The following OR3A2 variants were observed in gnomAD, a reference collection of about 807,000 sequenced individuals.
OR3A2 encodes the protein olfactory receptor family 3 subfamily A member 2.
For synonymous variants in OR3A2, 126 were observed against 159.3 expected (o/e 0.79, Z 1.57); for missense variants, 318 against 392.8 (o/e 0.81, Z 1.61).
At chr17:3,371,852 C>G (rs367791869) in intron 2 of OR3A2, among the ~76,000 whole-genome samples, 2 of 128,588 alleles carry the variant, frequency 1.6e-5, no homozygotes, top group East Asian at 3.1e-4. Flanking sequence ...CCCGCCCGGA[C>G]GGGGCGGCTG....
chr17:3,348,848 C>T (rs888344685), intron 2 of OR3A2, among the ~76,000 whole-genome samples: 20 of 152,142 alleles, frequency 1.3e-4, no homozygotes, highest in Non-Finnish European at 2.9e-4. Flanking sequence ...AGAAACTCTA[C>T]CAGCCAGAAG....
chr17:3,338,440 AT>A (rs1212958970), intron 2 of OR3A2, among the ~76,000 whole-genome samples: 2 of 152,136 alleles, frequency 1.3e-5, no homozygotes, highest in Non-Finnish European at 2.9e-5. Context: ...TCTTGAATTA[AT>A]TTTTGTATAA....
chr17:3,336,535 T>C (rs1158955021), intron 2 of OR3A2, among the ~76,000 whole-genome samples: 1 of 152,242 alleles, frequency 6.6e-6, no homozygotes, highest in Non-Finnish European at 1.5e-5. Flanking sequence ...TTAGATGTTA[T>C]GTTCAGTGTA....
At chr17:3,349,598 C>A (rs2049401586) in intron 2 of OR3A2, among the ~76,000 whole-genome samples, 1 of 151,990 alleles carries the variant, frequency 6.6e-6, no homozygotes, top group Non-Finnish European at 1.5e-5. Context: ...CTTTAACACC[C>A]CACTGTCAAC....
At chr17:3,382,392 C>G (rs1483883218) in intron 2 of OR3A2, among the ~76,000 whole-genome samples, 1 of 152,196 alleles carries the variant, frequency 6.6e-6, no homozygotes, top group Non-Finnish European at 1.5e-5. Flanking sequence ...CAGCTTCTGT[C>G]TCAGCCCACA....
rs776053776 is a variant in OR3A2, at chr17:3,292,232, C to A, written c.-84-13079G>T. 1.9e-6 allele frequency: 3 copies of A among 1,614,112 alleles called. No individual in the cohort carries two copies. In the Admixed American group the frequency reaches 5.0e-5, roughly 27 times the overall value. Reference sequence around the variant, plus strand: ...ATCGGTCATAGGCCATGGCGGTCAGCAGGAAGCAGTCCACTCCAACGAACA... The same window carrying A: ...ATCGGTCATAGGCCATGGCGGTCAGAAGGAAGCAGTCCACTCCAACGAACA... On this transcript the variant is annotated intron_variant, in intron 3 of 4. Coordinates refer to the OR3A2 transcript ENST00000573491.
At chr17:3,372,072 C>T (rs1304001326) in intron 2 of OR3A2, among the ~76,000 whole-genome samples, 5 of 137,286 alleles carry the variant, frequency 3.6e-5, no homozygotes, top group Non-Finnish European at 7.7e-5. Context: ...TCAGACGGGG[C>T]AGTTGCCAGG....
At chr17:3,382,231 T>TAA (rs1467328067) in intron 2 of OR3A2, among the ~76,000 whole-genome samples, 2 of 152,180 alleles carry the variant, frequency 1.3e-5, no homozygotes, top group Admixed American at 1.3e-4. Flanking sequence ...GCACTCTATC[T>TAA]AACAGGCAAC....
chr17:3,319,642 T>C (rs1446535516), intron 3 of OR3A2, among the ~76,000 whole-genome samples: 5 of 152,152 alleles, frequency 3.3e-5, no homozygotes, highest in Non-Finnish European at 7.3e-5. Context: ...TTTCTGTTCA[T>C]GTGTTAGTTT....
At chr17:3,306,453 T>A (rs1437595728) in intron 3 of OR3A2, among the ~76,000 whole-genome samples, 2 of 152,088 alleles carry the variant, frequency 1.3e-5, no homozygotes, top group African/African-American at 4.8e-5. Context: ...ACCCCCATTT[T>A]GATGAGGTTA....
intron 3 of OR3A2, among the ~76,000 whole-genome samples, chr17:3,334,445 G>C (rs907878549): frequency 6.6e-6 from 1 of 152,030 alleles, no homozygotes; most frequent in African/African-American, 2.4e-5. Context: ...ATGACCCCCA[G>C]TTCCATCATG....
intron 3 of OR3A2, among the ~76,000 whole-genome samples, chr17:3,324,105 A>G (rs113513046): frequency 6.6e-6 from 1 of 151,666 alleles, no homozygotes; most frequent in Non-Finnish European, 1.5e-5. Context: ...CCTTTCATTC[A>G]TTTCATCTTC....
intron 2 of OR3A2, among the ~76,000 whole-genome samples, chr17:3,362,793 T>G (rs891578922): frequency 6.6e-6 from 1 of 151,724 alleles, no homozygotes; most frequent in Non-Finnish European, 1.5e-5. Context: ...ATCCAGATGT[T>G]TCCATACATC....
rs2625458 is a variant in OR3A2, at chr17:3,293,228, G to A, written c.-84-14075C>T. On this transcript the variant is annotated intron_variant, in intron 3 of 4. Transcript: ENST00000573491. Reference sequence around the variant, plus strand: ...CCAAAGCTCTTGTTTGCAATAATGGGTATATGGTGTAAAGTATGGCACCAT... The same window carrying A: ...CCAAAGCTCTTGTTTGCAATAATGGATATATGGTGTAAAGTATGGCACCAT... Among the ~76,000 whole-genome samples the A allele has an allele frequency of 5.9e-3, 900 of 151,900 alleles. 5 individuals carry two copies. Among genetic ancestry groups the A allele is most frequent in the African/African-American group, 0.018 (764 of 41,460 alleles).
In OR3A2 at chr17:3,347,472, C is replaced by G. The variant is rs575981882; in HGVS notation, c.-178-11346G>C. 9.9e-5 allele frequency among the ~76,000 whole-genome samples: 15 copies of G among 152,214 alleles called. No homozygotes were observed. The East Asian group carries it at 1.7e-3, about 18-fold the overall frequency. On this transcript the variant is annotated intron_variant, in intron 2 of 4. Coordinates refer to the OR3A2 transcript ENST00000573491. ...ATGTGTTCTCATAGTTCAATTCCCA[C>G]CTATGAGTGAGAACATGCGGTGTTT...
intron 2 of OR3A2, among the ~76,000 whole-genome samples, chr17:3,381,494 G>A (rs535099365): frequency 6.6e-6 from 1 of 152,124 alleles, no homozygotes; most frequent in Admixed American, 6.5e-5. Context: ...CCTGTGCCTC[G>A]TGTTTCAACA....
rs182493962 is a variant in OR3A2 at position 3,326,660 on chromosome 17, G to A, written c.-85+9373C>T. ...GCTGGTGTGCTGCACCCACTAACTC[G>A]TCATCTAGTATTAGGTATATCTCCC... On this transcript the variant is annotated intron_variant, in intron 3 of 4. Coordinates refer to the OR3A2 transcript ENST00000573491. Among the ~76,000 whole-genome samples the A allele has an allele frequency of 1.7e-3, 251 of 146,164 alleles. 2 individuals carry two copies. In the Middle Eastern group the frequency reaches 0.018, roughly 10 times the overall value.
chr17:3,311,553 G>A lies in OR3A2; in HGVS notation c.-85+24480C>T. 1 of 428,688 alleles carries A rather than the reference G, an allele frequency of 2.3e-6. No individual in the cohort carries two copies. The highest frequency in any genetic ancestry group is 2.9e-5 in the Admixed American group (1 of 34,606). The allele number at this position is 428,688 out of a possible 1,614,324, so 26.6% of individuals were successfully genotyped here. A position where few individuals can be genotyped will look rare whatever the true frequency, so the allele number is the denominator to read the frequency against. ...ACTGTGACCTCCCACCTCTTTTCCA[G>A]CTCTCTTGCTCCAGCATCCACCTCA... On this transcript the variant is annotated intron_variant, in intron 3 of 4. Transcript: ENST00000573491. The surrounding 1 kb of genome is among the most constrained non-coding windows in gnomAD (Gnocchi z 4.6).
In OR3A2 at chr17:3,299,661, G is replaced by A. The variant is rs116778723; in HGVS notation, c.-84-20508C>T. ...ATGGAGACCTTGCATTTCCTTTGCTGCAAAACCTCCAGCCCTTCACACTTC... is the reference window on the plus strand; with the variant it reads ...ATGGAGACCTTGCATTTCCTTTGCTACAAAACCTCCAGCCCTTCACACTTC... On this transcript the variant is annotated intron_variant, in intron 3 of 4. Transcript: ENST00000573491. Among the ~76,000 whole-genome samples the A allele has an allele frequency of 8.0e-3, 1,213 of 152,200 alleles. 12 individuals carry two copies. The highest frequency in any genetic ancestry group is 0.027 in the African/African-American group (1,134 of 41,536).
Sources: gnomAD v4.1 joint callset for allele counts (sites outside exome capture counted in the v4.1 genomes callset) on GRCh38, gnomAD v4.1.1 for gene constraint, Gnocchi (gnomAD v3.1) non-coding constraint, MANE v1.5 for transcripts, NCBI Gene and HGNC (gene_info 2026-07-23, HGNC 2026-07-21) for gene names.